PDXDC1: variants seen among roughly 807,000 people sequenced by gnomAD.
PDXDC1 encodes the protein pyridoxal-dependent decarboxylase domain-containing protein 1.
In PDXDC1, 42 loss-of-function variants were observed where a neutral mutation model predicts 100.1. That is an observed-to-expected ratio of 0.42 (90% CI 0.33 to 0.54). The LOEUF (loss-of-function observed/expected upper bound fraction) is 0.54. Among genes scored for constraint, PDXDC1 ranks in the 20% least tolerant of loss-of-function variants. The pLI is 0.10. For missense variants in PDXDC1, 636 were observed against 979.2 expected, an observed-to-expected ratio of 0.65 and a Z score of 4.68; for synonymous variants, 260 against 371.7, an observed-to-expected ratio of 0.70 and a Z score of 3.46.
chr16:15,051,423 G>C (rs1204096887), intron 16 of PDXDC1, among the ~76,000 whole-genome samples: 2 of 152,224 alleles, frequency 1.3e-5, no homozygotes, highest in African/African-American at 4.8e-5. Flanking sequence ...CGAGATCGTG[G>C]CTCACTGCAG....
chr16:15,061,867 G>A (rs781410197), intron 16 of PDXDC1: 7 of 1,613,410 alleles, frequency 4.3e-6, no homozygotes, highest in South Asian at 1.1e-5. Context: ...GGGGCACTTC[G>A]CCTTTCAGAA....
At chr16:14,997,225 T>A (rs572495383) in intron 1 of PDXDC1, among the ~76,000 whole-genome samples, 2 of 152,358 alleles carry the variant, frequency 1.3e-5, no homozygotes, top group East Asian at 3.9e-4. Flanking sequence ...GGTGTACACA[T>A]GGCACTAAAA....
At chr16:15,015,369 T>C (rs1413962797) in intron 8 of PDXDC1, among the ~76,000 whole-genome samples, 3 of 152,278 alleles carry the variant, frequency 2.0e-5, no homozygotes, top group Non-Finnish European at 4.4e-5. Context: ...GCCATATTAG[T>C]GTGGGATAAA....
chr16:15,131,489 G>A (rs1448031648), intron 16 of PDXDC1: 3 of 1,606,968 alleles, frequency 1.9e-6, no homozygotes, highest in African/African-American at 1.3e-5. Flanking sequence ...CCATAGCACA[G>A]CAGGCTCCGC....
At chr16:15,131,645 C>G in intron 16 of PDXDC1, 2 of 1,586,534 alleles carry the variant, frequency 1.3e-6, no homozygotes, top group Admixed American at 1.7e-5. Flanking sequence ...GATGGTGACT[C>G]GGCTCCCAGC....
At chr16:15,034,771 T>G (rs1225385564) in intron 21 of PDXDC1, among the ~76,000 whole-genome samples, 1 of 152,118 alleles carries the variant, frequency 6.6e-6, no homozygotes, top group African/African-American at 2.4e-5. Flanking sequence ...CTACCCACTC[T>G]CCACAGCTGT....
intron 16 of PDXDC1, among the ~76,000 whole-genome samples, chr16:15,102,332 A>G (rs1324140161): frequency 1.2e-3 from 186 of 152,064 alleles, no homozygotes; most frequent in South Asian, 3.7e-3. Flanking sequence ...TGAAGGGAGG[A>G]AATCCAATTT....
At chr16:14,993,221 C>G (rs111920904) in intron 1 of PDXDC1, among the ~76,000 whole-genome samples, 1 of 152,176 alleles carries the variant, frequency 6.6e-6, no homozygotes, top group African/African-American at 2.4e-5. Context: ...ATACATGTGC[C>G]ATGTTGGTGT....
downstream of PDXDC1, among the ~76,000 whole-genome samples, chr16:15,039,045 T>C (rs2043684082): frequency 6.6e-6 from 1 of 152,170 alleles, no homozygotes; most frequent in Non-Finnish European, 1.5e-5. Context: ...AAAGTCTGTG[T>C]TCCCATTGCC....
chr16:15,007,714 G>C lies in PDXDC1; in HGVS notation c.580-1065G>C, dbSNP rs1466612255. 2.6e-5 allele frequency among the ~76,000 whole-genome samples: 4 copies of C among 152,280 alleles called. No homozygotes were observed. In the East Asian group the frequency reaches 5.8e-4, roughly 22 times the overall value. ...AGAAATTATGTCCTCTTCTTGAGGG[G>C]TGTACAAAATGGGGAGTTTAATAAT... is the stretch of plus-strand genomic sequence containing the variant. On this transcript the variant is annotated intron_variant, in intron 6 of 22. Transcript: ENST00000396410.
chr16:15,056,004 G>A (rs1384114630), intron 16 of PDXDC1: 1 of 1,159,538 alleles, frequency 8.6e-7, no homozygotes, highest in Non-Finnish European at 1.1e-6. Context: ...GGCCCAGGGA[G>A]GCGGCGGCCC....
At chr16:15,073,181 T>A (rs2045308076) in intron 16 of PDXDC1, 6 of 1,367,334 alleles carry the variant, frequency 4.4e-6, no homozygotes, top group Non-Finnish European at 6.1e-6. Flanking sequence ...AACAACATTA[T>A]CCAGCCAAGC....
intron 3 of PDXDC1, among the ~76,000 whole-genome samples, chr16:15,000,416 C>A (rs938824704): frequency 2.2e-4 from 33 of 152,414 alleles, no homozygotes; most frequent in Middle Eastern, 3.4e-3. Context: ...TCAAGGGCCC[C>A]TGCCTGCTCT....
intron 16 of PDXDC1, chr16:15,132,737 G>A (rs984099448): frequency 7.3e-6 from 8 of 1,096,264 alleles, no homozygotes; most frequent in East Asian, 4.7e-5. Flanking sequence ...CTGGGCCAGC[G>A]CAGCAGCGAT....
intron 1 of PDXDC1, among the ~76,000 whole-genome samples, chr16:14,996,691 C>CA (rs1199913941): frequency 6.6e-6 from 1 of 152,356 alleles, no homozygotes; most frequent in African/African-American, 2.4e-5. Context: ...CTTGTATCTA[C>CA]AAAAAAATTT....
intron 16 of PDXDC1, chr16:15,123,569 T>C: frequency 1.5e-6 from 1 of 650,702 alleles, no homozygotes; most frequent in Non-Finnish European, 2.7e-6. Flanking sequence ...TCCATCAACC[T>C]GTATCTCAGG....
chr16:15,076,760 T>G lies in PDXDC1; in HGVS notation c.1399+46704T>G. The G allele has an allele frequency of 2.7e-6, 2 of 731,050 alleles. 1 individual carries two copies. Among genetic ancestry groups the G allele is most frequent in the South Asian group, 3.3e-5 (2 of 61,120 alleles). The allele number at this position is 731,050 out of a possible 1,614,324, so 45.3% of individuals were successfully genotyped here. ...CGCATGTTCAAGGTGTCCAGATTAG[T>G]GCCTTATATCACACCCCAACACAAT... On this transcript the variant is annotated intron_variant, in intron 16 of 16. Transcript: ENST00000535621.
intron 1 of PDXDC1, among the ~76,000 whole-genome samples, chr16:14,990,676 G>C (rs1277909676): frequency 6.6e-6 from 1 of 152,286 alleles, no homozygotes; most frequent in Non-Finnish European, 1.5e-5. Flanking sequence ...TTAACTATCA[G>C]TGCTGCTTTT....
intron 8 of PDXDC1, chr16:15,015,867 A>G (rs2041755243): frequency 2.6e-6 from 2 of 774,574 alleles, no homozygotes; most frequent in South Asian, 2.1e-5. Flanking sequence ...GAGTCAGCAG[A>G]TCAAGTAGAT....
Sources: allele counts gnomAD v4.1 joint callset (sites outside exome capture counted in the v4.1 genomes callset), GRCh38; gene constraint gnomAD v4.1.1; transcripts MANE v1.5; gene names NCBI Gene and HGNC (gene_info 2026-07-23, HGNC 2026-07-21).